CNTNAP2: variants seen among roughly 807,000 people sequenced by gnomAD.
CNTNAP2 encodes the protein contactin-associated protein-like 2.
Under a neutral mutation model 155.2 loss-of-function variants are expected in CNTNAP2, and 98 were observed. That is an observed-to-expected ratio of 0.63 (90% CI 0.54 to 0.75). The LOEUF is 0.75. Among genes scored for constraint, CNTNAP2 ranks in the 30% least tolerant of loss-of-function variants. CNTNAP2 has a pLI of 0.00. For synonymous variants in CNTNAP2, 651 were observed against 631.2 expected (o/e 1.03, Z -0.47); for missense variants, 1,727 against 1,688.1 (o/e 1.02, Z -0.40).
At chr7:147,122,294 C>T (rs1390595381) in intron 6 of CNTNAP2, 1 of 152,238 alleles carries the variant, frequency 6.6e-6, no homozygotes, top group Admixed American at 6.5e-5. Context: ...AATGCTATTA[C>T]TTAGCCAGAA....
intron 15 of CNTNAP2, among the ~76,000 whole-genome samples, chr7:148,019,347 T>G (rs921543780): frequency 1.3e-5 from 2 of 152,176 alleles, no homozygotes; most frequent in African/African-American, 4.8e-5. Flanking sequence ...CCTGAAACCT[T>G]CCTATGTGCA....
At chr7:146,516,361 G>C (rs1797541620) in intron 1 of CNTNAP2, among the ~76,000 whole-genome samples, 2 of 152,110 alleles carry the variant, frequency 1.3e-5, no homozygotes, top group Admixed American at 6.6e-5. Flanking sequence ...TATAACTCTA[G>C]AAATTGGCAG....
intron 9 of CNTNAP2, among the ~76,000 whole-genome samples, chr7:147,343,747 T>A (rs1020683330): frequency 6.6e-6 from 1 of 152,148 alleles, no homozygotes; most frequent in Non-Finnish European, 1.5e-5. Context: ...ATGGGTGACA[T>A]GACATTTCAT....
chr7:148,020,243 T>C (rs1415925643), intron 15 of CNTNAP2, among the ~76,000 whole-genome samples: 2 of 152,248 alleles, frequency 1.3e-5, no homozygotes, highest in Non-Finnish European at 2.9e-5. Flanking sequence ...TTTATTCTTC[T>C]TTAAATCTTC....
At chr7:146,225,094 A>C (rs893147722) in intron 1 of CNTNAP2, among the ~76,000 whole-genome samples, 53 of 152,196 alleles carry the variant, frequency 3.5e-4, no homozygotes, top group Admixed American at 3.5e-3. Context: ...TTTAAGGGGC[A>C]CTTTGAATAC....
intron 1 of CNTNAP2, among the ~76,000 whole-genome samples, chr7:146,508,499 C>T (rs1296254291): frequency 1.3e-5 from 2 of 152,196 alleles, no homozygotes; most frequent in Non-Finnish European, 2.9e-5. Flanking sequence ...GAAACTTATC[C>T]GGGTTCCCAT....
In CNTNAP2 at chr7:146,235,988, A is replaced by C. The variant is rs1046466971; in HGVS notation, c.97+119015A>C. 4.0e-5 allele frequency among the ~76,000 whole-genome samples: 6 copies of C among 149,884 alleles called. No homozygotes were observed. The South Asian group carries it at 8.4e-4, about 21-fold the overall frequency. On this transcript the variant is annotated intron_variant, in intron 1 of 23. Transcript: ENST00000361727. ...TGTGTGTGTGTGTGTGTGCGCGCGTATTTGTAAAATGCCATTATCCCTGGT... is the reference window on the plus strand; with the variant it reads ...TGTGTGTGTGTGTGTGTGCGCGCGTCTTTGTAAAATGCCATTATCCCTGGT...
chr7:147,823,801 G>T lies in CNTNAP2; in HGVS notation c.2099-79764G>T, dbSNP rs115095027. On this transcript the variant is annotated intron_variant, in intron 13 of 23. Coordinates refer to ENST00000361727, the MANE Select transcript of CNTNAP2 (RefSeq NM_014141.6). ...AACAAAGAAAATACTGGCATAGCTG[G>T]TACTCTCACAAAATAGAAGCAAAAG... Among the ~76,000 whole-genome samples, 488 of 151,878 alleles carry T rather than the reference G, an allele frequency of 3.2e-3. 2 individuals are homozygous for T. Among genetic ancestry groups the T allele is most frequent in the African/African-American group, 0.011 (465 of 41,434 alleles).
chr7:146,771,003 G>A (rs957711770), intron 1 of CNTNAP2, among the ~76,000 whole-genome samples: 3 of 151,968 alleles, frequency 2.0e-5, no homozygotes, highest in Non-Finnish European at 2.9e-5. Context: ...GATTTATAAC[G>A]TGGCTTTCTT....
At chr7:148,125,490 G>T (rs572117872) in intron 16 of CNTNAP2, among the ~76,000 whole-genome samples, 6 of 152,134 alleles carry the variant, frequency 3.9e-5, no homozygotes, top group Non-Finnish European at 8.8e-5. Context: ...TGCAATATTT[G>T]GTTTTCTGTT....
intron 6 of CNTNAP2, among the ~76,000 whole-genome samples, chr7:147,126,553 A>C (rs2129283972): frequency 6.6e-6 from 1 of 152,300 alleles, no homozygotes; most frequent in African/African-American, 2.4e-5. Flanking sequence ...AGCTCACCGC[A>C]ATCTCCGCCT....
At chr7:148,360,155 C>A (rs562794270) in intron 21 of CNTNAP2, among the ~76,000 whole-genome samples, 1 of 152,150 alleles carries the variant, frequency 6.6e-6, no homozygotes, top group African/African-American at 2.4e-5. Flanking sequence ...AATGATACAA[C>A]AAGCAACAAC....
chr7:148,059,398 C>T (rs1349819371), intron 15 of CNTNAP2, among the ~76,000 whole-genome samples: 2 of 151,986 alleles, frequency 1.3e-5, no homozygotes, highest in African/African-American at 4.8e-5. Flanking sequence ...TCGAGACCAG[C>T]CTGACCAACA....
In CNTNAP2 at chr7:148,417,130, A is replaced by G. The variant is rs1444957856; in HGVS notation, c.*1514A>G. ...AGATCCCACCATTCTGAGGAATTCAATATGATCACTTTTTCCTTCTTTGCC... is the reference window on the plus strand; with the variant it reads ...AGATCCCACCATTCTGAGGAATTCAGTATGATCACTTTTTCCTTCTTTGCC... On this transcript the variant is annotated 3_prime_UTR_variant, in exon 24 of 24. Transcript: ENST00000361727. The G allele has an allele frequency of 2.6e-5, 4 of 152,214 alleles. No homozygotes were observed. Among genetic ancestry groups the G allele is most frequent in the Non-Finnish European group, 5.9e-5 (4 of 68,030 alleles). The allele number at this position is 152,214 out of a possible 1,614,324, so 9.4% of individuals were successfully genotyped here. A position where few individuals can be genotyped will look rare whatever the true frequency, so the allele number is the denominator to read the frequency against.
intron 13 of CNTNAP2, among the ~76,000 whole-genome samples, chr7:147,855,669 C>T (rs79560675): frequency 0.044 from 6,728 of 152,162 alleles, 268 homozygotes; most frequent in Admixed American, 0.12. Flanking sequence ...ATAAATAAAT[C>T]TGCAGTGTAA....
intron 3 of CNTNAP2, among the ~76,000 whole-genome samples, chr7:146,953,260 T>C (rs563358203): frequency 1.3e-5 from 2 of 152,050 alleles, no homozygotes; most frequent in Admixed American, 1.3e-4. Flanking sequence ...CCAATACTAT[T>C]TTAAGGATTA....
chr7:146,680,711 T>C (rs572750672), intron 1 of CNTNAP2, among the ~76,000 whole-genome samples: 1 of 152,248 alleles, frequency 6.6e-6, no homozygotes, highest in Non-Finnish European at 1.5e-5. Context: ...TGAAAACATC[T>C]ATTTCCTTTT....
At chr7:147,498,617 A>G (rs1159501028) in intron 11 of CNTNAP2, among the ~76,000 whole-genome samples, 1 of 152,238 alleles carries the variant, frequency 6.6e-6, no homozygotes, top group African/African-American at 2.4e-5. Flanking sequence ...TAATCAAGAA[A>G]AATGTTTATT....
chr7:146,655,010 T>C (rs960738319), intron 1 of CNTNAP2, among the ~76,000 whole-genome samples: 1 of 152,182 alleles, frequency 6.6e-6, no homozygotes, highest in Non-Finnish European at 1.5e-5. Flanking sequence ...TCTGTAATGA[T>C]ATCTCTCAAC....
Sources: allele counts gnomAD v4.1 joint callset (sites outside exome capture counted in the v4.1 genomes callset), GRCh38; gene constraint gnomAD v4.1.1; transcripts MANE v1.5; gene names NCBI Gene and HGNC (gene_info 2026-07-23, HGNC 2026-07-21).